Variants in NSUN5 observed in about 807,000 individuals in gnomAD.
NSUN5 encodes the protein NOP2/Sun RNA methyltransferase 5.
Under a neutral mutation model 51.1 loss-of-function variants are expected in NSUN5, and 39 were observed. That is an observed-to-expected ratio of 0.76 (90% CI 0.59 to 1.00). The LOEUF is 1.00. NSUN5 is among the 50% of genes least tolerant of loss of function. The pLI, the probability that NSUN5 is intolerant of heterozygous loss-of-function variation, is 0.00. For missense variants in NSUN5, 526 were observed against 614.0 expected (o/e 0.86, Z 1.51); for synonymous variants, 266 against 271.5 (o/e 0.98, Z 0.20).
intron 4 of NSUN5, among the ~76,000 whole-genome samples, chr7:73,305,843 A>T (rs1368369614): frequency 3.3e-5 from 5 of 152,172 alleles, no homozygotes; most frequent in Admixed American, 3.3e-4. Context: ...GTTCTCTGCT[A>T]TTCCACCCTG....
chr7:73,303,261 AAC>A lies in NSUN5; in HGVS notation c.*152_*153del, dbSNP rs1258308948. 5.0e-6 allele frequency: 8 copies of A among 1,602,066 alleles called. No individual in the cohort carries two copies. The highest frequency in any genetic ancestry group is 1.7e-4 in the Middle Eastern group (1 of 6,006). ...CGTTCTGCATTTTATTTTTGCAGGC[AAC>A]ACTTTGCTCACCAGCAAGAACACAG... On this transcript the variant is annotated 3_prime_UTR_variant, in exon 10 of 10. Coordinates refer to ENST00000438747, the MANE Select transcript of NSUN5 (RefSeq NM_148956.4).
At position 73,304,404 on chromosome 7, in the gene NSUN5, T is replaced by C; in HGVS notation, c.760A>G (p.Ile254Val). ...TTGGCATCCAGGTCAAAGGCAAAGA[T>C]CTTCCTAGGGCAAAGCAGGGGTGAG... ...LAALLKNQGKIFAFDLDAKRL... is the reference protein window; with the variant it reads ...LAALLKNQGKVFAFDLDAKRL... The change falls in exon 7 of 10, where the codon ATC (isoleucine) becomes GTC (valine). Residue 254 changes from isoleucine (I) to valine (V), a missense_variant. By Grantham distance (29) the Ile-to-Val change is conservative (BLOSUM62 3). Coordinates refer to ENST00000438747, the MANE Select transcript of NSUN5 (RefSeq NM_148956.4). The C allele has an allele frequency of 6.2e-7, 1 of 1,610,568 alleles. No individual in the cohort carries two copies. The highest frequency in any genetic ancestry group is 8.5e-7 in the Non-Finnish European group (1 of 1,178,190).
chr7:73,307,550 G>GCCGGCCCCCC, intron 3 of NSUN5, 33 bp downstream of exon 3: 3 of 1,165,552 alleles, frequency 2.6e-6, no homozygotes, highest in South Asian at 1.2e-5. Context: ...AAAGTTCCCC[G>GCCGGCCCCCC]CCTCCCCCAC....
At position 73,303,741 on chromosome 7, in the gene NSUN5, C is replaced by G. The variant is rs1198833061; in HGVS notation, c.1146-1G>C. Reference sequence around the variant, plus strand: ...CCAGGCAGGCAGGGCGGGAGCTAGCCTGCAAGAGAAACGGCCCCAATGCTG... The same window carrying G: ...CCAGGCAGGCAGGGCGGGAGCTAGCGTGCAAGAGAAACGGCCCCAATGCTG... On this transcript the variant is annotated splice_acceptor_variant, in intron 8 of 9. Transcript: ENST00000438747. LOFTEE classifies it high-confidence loss of function. 1 of 1,613,950 alleles carries G rather than the reference C, an allele frequency of 6.2e-7. No homozygotes were observed. The highest frequency in any genetic ancestry group is 8.5e-7 in the Non-Finnish European group (1 of 1,179,966).
rs782532880 is a variant in NSUN5, at chr7:73,304,339, G to A, written c.825C>T (p.Gly275=). Reference sequence around the variant, plus strand: ...CCTCAGCCAGTTCACAGCAAGAGACGCCAGCCCGGGCCAGCAGCGTGGCCA... The same window carrying A: ...CCTCAGCCAGTTCACAGCAAGAGACACCAGCCCGGGCCAGCAGCGTGGCCA... ...ASMATLLARA[G]VSCCELAEED... is the part of the protein sequence containing the mutation. The change falls in exon 7 of 10, where the codon GGC becomes GGT. Residue 275 remains glycine (G), a synonymous_variant. Coordinates refer to ENST00000438747, the MANE Select transcript of NSUN5 (RefSeq NM_148956.4). The A allele has an allele frequency of 1.2e-5, 20 of 1,613,932 alleles. No homozygotes were observed. Among genetic ancestry groups the A allele is most frequent in the Non-Finnish European group, 1.1e-5 (13 of 1,179,992 alleles).
At position 73,307,695 on chromosome 7, in the gene NSUN5, A is replaced by G. The variant is rs1804101971; in HGVS notation, c.279T>C (p.Ala93=). The G allele has an allele frequency of 6.2e-7, 1 of 1,608,542 alleles. No individual in the cohort carries two copies. The highest frequency in any genetic ancestry group is 1.3e-5 in the African/African-American group (1 of 74,654). Residue 93 remains alanine, a synonymous_variant, in exon 3 of 10, where the codon GCT becomes GCC. Transcript: ENST00000438747. ...GCCTCGCCTGGTGCCGGCCCAACAG[A>G]GCCTTCCATCGGCCCCCACCCCCTC... ...GFRGGGGRWK[A]LLGRHQARLK...
chr7:73,308,801 G>A lies in NSUN5; in HGVS notation c.-11C>T. The A allele has an allele frequency of 6.2e-7, 1 of 1,611,288 alleles. No homozygotes were observed. The highest frequency in any genetic ancestry group is 8.5e-7 in the Non-Finnish European group (1 of 1,178,312). Reference sequence around the variant, plus strand: ...AGCATACAGCCCCATGTTCCCGCGCGCCTTTACGGCTCTGTGGCAAAACGC... The same window carrying A: ...AGCATACAGCCCCATGTTCCCGCGCACCTTTACGGCTCTGTGGCAAAACGC... On this transcript the variant is annotated 5_prime_UTR_variant, in exon 1 of 10. Coordinates refer to ENST00000438747, the MANE Select transcript of NSUN5 (RefSeq NM_148956.4).
intron 6 of NSUN5, 91 bp downstream of exon 6, chr7:73,304,656 C>G (rs1398725647): frequency 8.6e-7 from 1 of 1,166,228 alleles, no homozygotes; most frequent in East Asian, 2.4e-5. Context: ...GCAAGAAAGA[C>G]TTAAGCGAAA....
At position 73,307,563 on chromosome 7, in the gene NSUN5, C is replaced by G. The variant is rs781937625; in HGVS notation, c.391+20G>C. On this transcript the variant is annotated intron_variant, in intron 3 of 9. Coordinates refer to ENST00000438747, the MANE Select transcript of NSUN5 (RefSeq NM_148956.4). The stretch of plus-strand genomic sequence containing the variant: ...GCAAAGTTCCCCGCCTCCCCCACCC[C>G]CCAACTCCTTCCAGCTTACCTGGAC... The G allele has an allele frequency of 6.2e-7, 1 of 1,605,282 alleles. No individual in the cohort carries two copies. The highest frequency in any genetic ancestry group is 1.1e-5 in the South Asian group (1 of 90,710).
Position 73,303,447 on chromosome 7 carries a change from C to T in NSUN5, c.1369G>A (p.Ala457Thr), listed in dbSNP as rs112136204. 4.9e-3 allele frequency: 7,898 copies of T among 1,614,140 alleles called. 300 individuals carry two copies. The African/African-American group carries it at 0.088, about 18-fold the overall frequency. Residue 457 changes from alanine to threonine, a missense_variant, in exon 10 of 10, where the codon GCA becomes ACA. Coordinates refer to ENST00000438747, the MANE Select transcript of NSUN5 (RefSeq NM_148956.4). The part of the protein sequence containing the change: ...PKRKKRQQRA[A>T]AGACTPPCT ...CAAGGCGGTGTGCAAGCACCGGCTGCGGCTCTTTGCTGTCTCTTCTTTCTC... is the reference window on the plus strand; with the variant it reads ...CAAGGCGGTGTGCAAGCACCGGCTGTGGCTCTTTGCTGTCTCTTCTTTCTC...
At position 73,303,482 on chromosome 7, in the gene NSUN5, G is replaced by C. The variant is rs1160592374; in HGVS notation, c.1334C>G (p.Pro445Arg). 12 of 1,614,056 alleles carry C rather than the reference G, an allele frequency of 7.4e-6. No individual in the cohort carries two copies. Among genetic ancestry groups the C allele is most frequent in the Non-Finnish European group, 8.5e-6 (10 of 1,180,052 alleles). ...KASAPERTPS[P>R]APKRKKRQQR... ...CTGTCTCTTCTTTCTCTTTGGGGCT[G>C]GGCTGGGTGTGCGTTCTGGTGCTGA... The change falls in exon 10 of 10, where the codon CCA becomes CGA. Residue 445 changes from proline (P) to arginine (R), a missense_variant. Coordinates refer to ENST00000438747, the MANE Select transcript of NSUN5 (RefSeq NM_148956.4).
In NSUN5 at chr7:73,308,567, G is replaced by A; in HGVS notation, c.94-14C>T. 4 of 1,594,390 alleles carry A rather than the reference G, an allele frequency of 2.5e-6. No homozygotes were observed. Among genetic ancestry groups the A allele is most frequent in the South Asian group, 2.2e-5 (2 of 90,484 alleles). On this transcript the variant is annotated splice_polypyrimidine_tract_variant and intron_variant, in intron 1 of 9. Transcript: ENST00000438747. ...CTGCTTCACGTTCTGTGTGGCCGAG[G>A]AAGACAAGCTGGGTGGGGGCTCCCC...
intron 4 of NSUN5, among the ~76,000 whole-genome samples, chr7:73,306,879 AAG>A (rs1482187440): frequency 2.0e-5 from 3 of 152,092 alleles, no homozygotes; most frequent in Non-Finnish European, 2.9e-5. Flanking sequence ...CTAAAAAAAA[AAG>A]AGAGAAAGGA....
intron 4 of NSUN5, 99 bp from the exon 5 acceptor site, chr7:73,305,196 G>A: frequency 2.1e-6 from 3 of 1,458,112 alleles, no homozygotes; most frequent in Admixed American, 2.1e-5. Context: ...CAGCTATGGA[G>A]AAATCAACAG....
rs782128945 is a variant in NSUN5, at chr7:73,308,440, G to C, written c.207C>G (p.His69Gln). 1 of 1,601,984 alleles carries C rather than the reference G, an allele frequency of 6.2e-7. No individual in the cohort carries two copies. Among genetic ancestry groups the C allele is most frequent in the Non-Finnish European group, 8.5e-7 (1 of 1,172,614 alleles). The change falls in exon 2 of 10, where the codon CAC becomes CAG. Residue 69 changes from histidine (H) to glutamine (Q), a missense_variant. His to Gln is a conservative substitution (Grantham distance 24). Coordinates refer to ENST00000438747, the MANE Select transcript of NSUN5 (RefSeq NM_148956.4). The part of the protein sequence containing the change: ...LLRAEKKLRP[H>Q]LAKVLVYELL... ...CCTCCCCTCCCCTCACCTTGGCCAGGTGCGGCCGCAGCTTCTTCTCCGCAC... is the reference window on the plus strand; with the variant it reads ...CCTCCCCTCCCCTCACCTTGGCCAGCTGCGGCCGCAGCTTCTTCTCCGCAC...
intron 4 of NSUN5, 72 bp from the exon 5 acceptor site, chr7:73,305,169 T>C (rs1287507517): frequency 6.4e-6 from 10 of 1,553,172 alleles, no homozygotes; most frequent in South Asian, 5.9e-5. Context: ...GGTCCATTCA[T>C]GCAACAAATG....
Position 73,303,046 on chromosome 7 carries a change from G to A in NSUN5, c.*369C>T, listed in dbSNP as rs1228144889. ...GTTCCGCAGGCAGGACAGCCGGTCC[G>A]GGAACCCTGAGTGAGTGTGAGTGTG... On this transcript the variant is annotated 3_prime_UTR_variant, in exon 10 of 10. Transcript: ENST00000438747. 24 of 1,326,756 alleles carry A rather than the reference G, an allele frequency of 1.8e-5. No homozygotes were observed. The highest frequency in any genetic ancestry group is 8.9e-5 in the African/African-American group (6 of 67,680). The allele number at this position is 1,326,756 out of a possible 1,614,324, so 82.2% of individuals were successfully genotyped here. A position where few individuals can be genotyped will look rare whatever the true frequency, so the allele number is the denominator to read the frequency against.
chr7:73,302,772 G>C lies in NSUN5; in HGVS notation c.*643C>G. On this transcript the variant is annotated 3_prime_UTR_variant, in exon 10 of 10. Transcript: ENST00000438747. The stretch of plus-strand genomic sequence containing the variant: ...AAATAATGTGATGTAAATGTAACTG[G>C]TGCCCCCTCCCCGATGTGACTGAGG... 1 of 984,544 alleles carries C rather than the reference G, an allele frequency of 1.0e-6. No individual in the cohort carries two copies. The highest frequency in any genetic ancestry group is 1.2e-6 in the Non-Finnish European group (1 of 828,574). The allele number at this position is 984,544 out of a possible 1,614,324, so 61.0% of individuals were successfully genotyped here.
At position 73,308,780 on chromosome 7, in the gene NSUN5, T is replaced by C. The variant is rs2115685999; in HGVS notation, c.11A>G (p.Tyr4Cys). The C allele has an allele frequency of 6.2e-7, 1 of 1,613,108 alleles. No homozygotes were observed. Among genetic ancestry groups the C allele is most frequent in the Non-Finnish European group, 8.5e-7 (1 of 1,179,784 alleles). Residue 4 changes from tyrosine (Y) to cysteine (C), a missense_variant, in exon 1 of 10, where the codon TAT (tyrosine) becomes TGT (cysteine). Tyr to Cys is a radical substitution (Grantham distance 194). Transcript: ENST00000438747. The part of the protein sequence containing the change: MGL[Y>C]AAAAGVLAGV... ...GGCCAACACGCCTGCAGCTGCAGCA[T>C]ACAGCCCCATGTTCCCGCGCGCCTT...
Sources: allele counts gnomAD v4.1 joint callset (sites outside exome capture counted in the v4.1 genomes callset), GRCh38; gene constraint gnomAD v4.1.1; transcripts MANE v1.5; gene names NCBI Gene and HGNC (gene_info 2026-07-23, HGNC 2026-07-21).